Variants in TRPC4 observed in about 807,000 individuals in gnomAD.
TRPC4 encodes transient receptor potential cation channel subfamily C member 4, also known as short transient receptor potential channel 4.
A neutral mutation model predicts 99.4 loss-of-function variants in TRPC4; 49 were observed. That is an observed-to-expected ratio of 0.49 (90% CI 0.39 to 0.63). TRPC4 has a LOEUF of 0.63. Ranked by LOEUF, TRPC4 falls within the 20% of genes least tolerant of loss-of-function variation. The pLI is 0.00. For missense variants in TRPC4, 898 were observed against 1,152.9 expected (o/e 0.78, Z 3.20); for synonymous variants, 454 against 425.9 (o/e 1.07, Z -0.81).
At chr13:37,710,924 C>T (rs1363931441) in intron 3 of TRPC4, among the ~76,000 whole-genome samples, 1 of 151,878 alleles carries the variant, frequency 6.6e-6, no homozygotes, top group Non-Finnish European at 1.5e-5. Context: ...CTATATGATG[C>T]TGTATAATTT....
At chr13:37,829,105 A>G (rs1460419665) in intron 1 of TRPC4, among the ~76,000 whole-genome samples, 1 of 152,212 alleles carries the variant, frequency 6.6e-6, no homozygotes, top group Non-Finnish European at 1.5e-5. Context: ...CAAAGAAAAA[A>G]TAGATAAGCT....
chr13:37,767,799 C>T (rs73168485), intron 2 of TRPC4, among the ~76,000 whole-genome samples: 15,098 of 151,198 alleles, frequency 0.1, 1,106 homozygotes, highest in African/African-American at 0.21. Flanking sequence ...TACCTTTCCA[C>T]TCCCAAAACT....
intron 8 of TRPC4, among the ~76,000 whole-genome samples, chr13:37,647,240 C>T (rs969477325): frequency 1.3e-5 from 2 of 151,974 alleles, no homozygotes; most frequent in African/African-American, 2.4e-5. Context: ...GGCTGGGTGA[C>T]GAGTGTCAGT....
At chr13:37,698,730 A>G (rs896713007) in intron 3 of TRPC4, among the ~76,000 whole-genome samples, 1 of 152,162 alleles carries the variant, frequency 6.6e-6, no homozygotes, top group Non-Finnish European at 1.5e-5. Context: ...CTCTTGTGCA[A>G]GTGGAAAAGC....
chr13:37,786,680 C>T lies in TRPC4; in HGVS notation c.-27-3320G>A, dbSNP rs944600427. On this transcript the variant is annotated intron_variant, in intron 1 of 10. Transcript: ENST00000379705. ...AAAATAAAACATTGCTCCTGGTCCT[C>T]CACTTTTAGAATAAACTTTGGAGGG... Among the ~76,000 whole-genome samples, 3 of 151,980 alleles carry T rather than the reference C, an allele frequency of 2.0e-5. No individual in the cohort carries two copies. The South Asian group carries it at 6.2e-4, about 32-fold the overall frequency.
chr13:37,735,265 A>C (rs138481147), intron 3 of TRPC4, among the ~76,000 whole-genome samples: 1 of 152,144 alleles, frequency 6.6e-6, no homozygotes, highest in Non-Finnish European at 1.5e-5. Context: ...GCAGAAGTTT[A>C]TATCTCAAAA....
At position 37,783,036 on chromosome 13, in the gene TRPC4, G is replaced by A. The variant is rs922543589; in HGVS notation, c.298C>T (p.Leu100=). 47 of 1,612,754 alleles carry A rather than the reference G, an allele frequency of 2.9e-5. No homozygotes were observed. The highest frequency in any genetic ancestry group is 3.6e-5 in the Non-Finnish European group (43 of 1,179,546). ...LSFNVYVGDA[L]LHAIRKEVVG... is the part of the protein sequence containing the mutation. ...ACTTCTTTTCTGATAGCATGTAATA[G>A]AGCATCTCCAACATAGACATTAAAG... The change falls in exon 2 of 11, where the codon CTA becomes TTA. Residue 100 remains leucine, a synonymous_variant. Transcript: ENST00000379705.
intron 1 of TRPC4, among the ~76,000 whole-genome samples, chr13:37,804,974 T>A (rs1331876051): frequency 2.0e-5 from 3 of 152,090 alleles, no homozygotes; most frequent in Non-Finnish European, 4.4e-5. Flanking sequence ...ATTAACAAAA[T>A]TGCCATGATA....
At chr13:37,815,588 C>T (rs993083763) in intron 1 of TRPC4, among the ~76,000 whole-genome samples, 10 of 151,892 alleles carry the variant, frequency 6.6e-5, no homozygotes, top group African/African-American at 2.4e-4. Flanking sequence ...TATATATGCA[C>T]CTAACAAGAG....
intron 2 of TRPC4, among the ~76,000 whole-genome samples, chr13:37,768,242 C>T (rs1956441515): frequency 6.6e-6 from 1 of 151,332 alleles, no homozygotes; most frequent in South Asian, 2.1e-4. Flanking sequence ...AGGAATGCTA[C>T]CAAAATAAAT....
At chr13:37,650,598 T>A (rs1952009884) in intron 8 of TRPC4, among the ~76,000 whole-genome samples, 1 of 81,148 alleles carries the variant, frequency 1.2e-5, no homozygotes, top group South Asian at 4.6e-4. Flanking sequence ...TCTGTCTCTC[T>A]CTCTCTCTCT....
At chr13:37,848,650 G>T (rs930075899) in intron 1 of TRPC4, among the ~76,000 whole-genome samples, 1 of 152,024 alleles carries the variant, frequency 6.6e-6, no homozygotes, top group Admixed American at 6.6e-5. Flanking sequence ...CTGGAGAAAC[G>T]CAAGCCTAGT....
intron 1 of TRPC4, among the ~76,000 whole-genome samples, chr13:37,830,820 T>A (rs370428468): frequency 1.4e-5 from 2 of 142,564 alleles, no homozygotes; most frequent in Non-Finnish European, 3.1e-5. Flanking sequence ...TATATATATA[T>A]AATATAATAG....
chr13:37,857,835 G>A (rs1404263429), intron 1 of TRPC4, among the ~76,000 whole-genome samples: 2 of 151,434 alleles, frequency 1.3e-5, no homozygotes, highest in South Asian at 2.1e-4. Context: ...TTGGAGAAAC[G>A]CTTCAGAACA....
intron 1 of TRPC4, among the ~76,000 whole-genome samples, chr13:37,844,868 A>G (rs1022116285): frequency 6.6e-6 from 1 of 152,108 alleles, no homozygotes. Context: ...TCTGTGACCA[A>G]GCAGCAATCC....
chr13:37,689,186 C>A (rs1953597145), intron 4 of TRPC4, among the ~76,000 whole-genome samples: 1 of 152,276 alleles, frequency 6.6e-6, no homozygotes, highest in African/African-American at 2.4e-5. Context: ...CTTTAGATGT[C>A]ATTCACTCTA....
chr13:37,716,941 A>G (rs1292797009), intron 3 of TRPC4, among the ~76,000 whole-genome samples: 1 of 150,126 alleles, frequency 6.7e-6, no homozygotes, highest in South Asian at 2.1e-4. Context: ...TCTGGTGGGG[A>G]CGGTGGTAAA....
chr13:37,688,337 G>A (rs1270636170), intron 4 of TRPC4, among the ~76,000 whole-genome samples: 1 of 152,144 alleles, frequency 6.6e-6, no homozygotes, highest in Non-Finnish European at 1.5e-5. Context: ...TGAAATAACA[G>A]AAACCTTATT....
chr13:37,820,521 T>C (rs561771819), intron 1 of TRPC4, among the ~76,000 whole-genome samples: 1 of 152,000 alleles, frequency 6.6e-6, no homozygotes, highest in South Asian at 2.1e-4. Context: ...TTGTCAAATA[T>C]AGATGCAAAA....
Sources: gnomAD v4.1 joint callset for allele counts (sites outside exome capture counted in the v4.1 genomes callset) on GRCh38, gnomAD v4.1.1 for gene constraint, MANE v1.5 for transcripts, NCBI Gene and HGNC (gene_info 2026-07-23, HGNC 2026-07-21) for gene names.